NUBPL: variants seen among roughly 807,000 people sequenced by gnomAD.
NUBPL encodes NUBP iron-sulfur cluster assembly factor, mitochondrial.
NUBPL carries 31 observed loss-of-function variants against 45.7 expected under a neutral mutation model. That is an observed-to-expected ratio of 0.68 (90% CI 0.51 to 0.92). The LOEUF (loss-of-function observed/expected upper bound fraction) is 0.92. Among genes scored for constraint, NUBPL ranks in the 40% least tolerant of loss-of-function variants. The pLI, the probability that NUBPL is intolerant of heterozygous loss-of-function variation, is 0.00. For missense variants in NUBPL, 401 were observed against 398.7 expected, an observed-to-expected ratio of 1.01 and a Z score of -0.05; for synonymous variants, 144 against 140.9, an observed-to-expected ratio of 1.02 and a Z score of -0.15.
chr14:31,793,840 T>TTA (rs1555338717), intron 7 of NUBPL, among the ~76,000 whole-genome samples: 1 of 123,552 alleles, frequency 8.1e-6, no homozygotes, highest in Non-Finnish European at 1.5e-5. Flanking sequence ...TTTTTTTTTT[T>TTA]ATTTTTTTTT....
chr14:31,698,358 T>C lies in NUBPL; in HGVS notation c.513+24784T>C, dbSNP rs959950793. Among the ~76,000 whole-genome samples the C allele has an allele frequency of 1.0e-4, 15 of 146,496 alleles. No individual in the cohort carries two copies. In the East Asian group the frequency reaches 2.2e-3, roughly 21 times the overall value. ...GATTCTACGTCATTCATTTTGGTCT[T>C]TTTTTTTTTTTAAGTGTTGAAAGAC... On this transcript the variant is annotated intron_variant, in intron 6 of 10. Transcript: ENST00000281081.
chr14:31,643,100 G>A (rs989355161), intron 4 of NUBPL, among the ~76,000 whole-genome samples: 5 of 151,986 alleles, frequency 3.3e-5, no homozygotes, highest in African/African-American at 1.2e-4. Flanking sequence ...TTATCTGTGA[G>A]CAAGACTAAT....
chr14:31,660,381 T>A (rs1356437500), intron 4 of NUBPL, among the ~76,000 whole-genome samples: 1 of 152,180 alleles, frequency 6.6e-6, no homozygotes, highest in Non-Finnish European at 1.5e-5. Context: ...TGACTCCTTT[T>A]CTTGCGTCTG....
intron 6 of NUBPL, among the ~76,000 whole-genome samples, chr14:31,776,625 T>G (rs2039102436): frequency 6.6e-6 from 1 of 152,192 alleles, no homozygotes; most frequent in Non-Finnish European, 1.5e-5. Context: ...TCTGCCCATT[T>G]GGTTCATCTT....
At chr14:31,750,294 C>A (rs1335092901) in intron 6 of NUBPL, among the ~76,000 whole-genome samples, 4 of 150,608 alleles carry the variant, frequency 2.7e-5, no homozygotes, top group Non-Finnish European at 5.9e-5. Flanking sequence ...CCTGCCTCAG[C>A]CTCTCCGAGT....
rs554674452 is a variant in NUBPL at position 31,698,980 on chromosome 14, G to A, written c.513+25406G>A. Among the ~76,000 whole-genome samples the A allele has an allele frequency of 8.0e-4, 122 of 151,800 alleles. No individual in the cohort carries two copies. In the Middle Eastern group the frequency reaches 0.014, roughly 17 times the overall value. Reference sequence around the variant, plus strand: ...AGCAATTCTCCTGCCTCAGCCTCCCGAGTAGCTGAGACTACAGGCATGCAC... The same window carrying A: ...AGCAATTCTCCTGCCTCAGCCTCCCAAGTAGCTGAGACTACAGGCATGCAC... On this transcript the variant is annotated intron_variant, in intron 6 of 10. Coordinates refer to ENST00000281081, the MANE Select transcript of NUBPL (RefSeq NM_025152.3).
intron 6 of NUBPL, among the ~76,000 whole-genome samples, chr14:31,712,461 C>A (rs1170833237): frequency 1.3e-5 from 2 of 152,244 alleles, no homozygotes; most frequent in East Asian, 3.9e-4. Flanking sequence ...CCACCCAGAA[C>A]CTGTGCCAGC....
chr14:31,808,592 T>A (rs1054715103), intron 7 of NUBPL, among the ~76,000 whole-genome samples: 2 of 152,198 alleles, frequency 1.3e-5, no homozygotes, highest in Admixed American at 6.5e-5. Flanking sequence ...CCTCTTTTCC[T>A]AATTGAATAC....
At chr14:31,774,711 G>A (rs184961737) in intron 6 of NUBPL, among the ~76,000 whole-genome samples, 3 of 152,272 alleles carry the variant, frequency 2.0e-5, no homozygotes, top group Admixed American at 6.5e-5. Flanking sequence ...ATTATTTTGA[G>A]TGTAAAATGT....
intron 4 of NUBPL, among the ~76,000 whole-genome samples, chr14:31,608,849 C>A (rs188628271): frequency 1.6e-3 from 251 of 152,212 alleles, no homozygotes; most frequent in African/African-American, 5.7e-3. Context: ...TACTGGTTTG[C>A]GGCCTGGGGG....
intron 6 of NUBPL, among the ~76,000 whole-genome samples, chr14:31,694,538 T>G (rs1318103598): frequency 6.6e-6 from 1 of 152,146 alleles, no homozygotes; most frequent in Non-Finnish European, 1.5e-5. Flanking sequence ...TTATTTATGA[T>G]GGAGTATTGC....
intron 6 of NUBPL, among the ~76,000 whole-genome samples, chr14:31,721,370 A>G (rs918680543): frequency 2.6e-5 from 4 of 152,224 alleles, no homozygotes; most frequent in African/African-American, 9.6e-5. Context: ...TTTCCAGTAG[A>G]TTCCATGCTA....
chr14:31,641,922 C>G (rs1184003835), intron 4 of NUBPL, among the ~76,000 whole-genome samples: 3 of 152,162 alleles, frequency 2.0e-5, no homozygotes, highest in Non-Finnish European at 2.9e-5. Flanking sequence ...TTGCATTTCT[C>G]TGATCATTAG....
chr14:31,607,020 G>A (rs2139586430), intron 4 of NUBPL, among the ~76,000 whole-genome samples: 1 of 152,296 alleles, frequency 6.6e-6, no homozygotes, highest in Non-Finnish European at 1.5e-5. Flanking sequence ...AGAACTGGAA[G>A]AAAAGAGAAT....
intron 6 of NUBPL, among the ~76,000 whole-genome samples, chr14:31,777,396 T>C (rs968141247): frequency 2.0e-5 from 3 of 152,200 alleles, no homozygotes; most frequent in African/African-American, 7.2e-5. Context: ...CACTCAAATG[T>C]GTGCTAAATT....
chr14:31,637,346 A>C (rs2035535830), intron 4 of NUBPL, among the ~76,000 whole-genome samples: 1 of 152,130 alleles, frequency 6.6e-6, no homozygotes. Context: ...TTCGTTATGC[A>C]CCCAGTAGTC....
rs140128328 is a variant in NUBPL at position 31,677,056 on chromosome 14, G to T, written c.513+3482G>T. 5.2e-3 allele frequency among the ~76,000 whole-genome samples: 792 copies of T among 151,630 alleles called. 6 individuals are homozygous for T. The highest frequency in any genetic ancestry group is 0.037 in the Middle Eastern group (11 of 294). On this transcript the variant is annotated intron_variant, in intron 6 of 10. Coordinates refer to ENST00000281081, the MANE Select transcript of NUBPL (RefSeq NM_025152.3). ...AATTCTTAATTTAAAAATTTTATGG[G>T]TATATAGTAGATTAGTATATTTATG...
chr14:31,669,849 T>C (rs1408703694), intron 4 of NUBPL, among the ~76,000 whole-genome samples: 1 of 146,638 alleles, frequency 6.8e-6, no homozygotes, highest in East Asian at 2.1e-4. Context: ...CCATGGTGTA[T>C]ATGTACCACA....
chr14:31,750,221 C>G (rs1009797413), intron 6 of NUBPL, among the ~76,000 whole-genome samples: 9 of 149,548 alleles, frequency 6.0e-5, no homozygotes, highest in Non-Finnish European at 1.3e-4. Flanking sequence ...GTCACCCAGG[C>G]TGGAGTACAG....
Sources: gnomAD v4.1 joint callset for allele counts (sites outside exome capture counted in the v4.1 genomes callset) on GRCh38, gnomAD v4.1.1 for gene constraint, MANE v1.5 for transcripts, NCBI Gene and HGNC (gene_info 2026-07-23, HGNC 2026-07-21) for gene names.